The following BBS9 variants were observed in gnomAD, a reference collection of about 807,000 sequenced individuals.
The protein encoded by BBS9 is protein PTHB1.
Under a neutral mutation model 117.7 loss-of-function variants are expected in BBS9, and 89 were observed. The observed-to-expected ratio is 0.76, with a 90% CI of 0.64 to 0.90. The LOEUF (loss-of-function observed/expected upper bound fraction) is 0.90. Ranked by LOEUF, BBS9 falls within the 40% of genes least tolerant of loss-of-function variation. The probability of loss-of-function intolerance (pLI) is 0.00; values close to 1 mark genes in which losing one functional copy is unlikely to be tolerated. For missense variants in BBS9, 982 were observed against 1,042.2 expected, an observed-to-expected ratio of 0.94 and a Z score of 0.80; for synonymous variants, 379 against 370.9, an observed-to-expected ratio of 1.02 and a Z score of -0.25.
At chr7:33,437,209 AAATTGAG>A (rs1835426770) in intron 19 of BBS9, among the ~76,000 whole-genome samples, 1 of 152,188 alleles carries the variant, frequency 6.6e-6, no homozygotes, top group Non-Finnish European at 1.5e-5. Flanking sequence ...CTATTGAGGT[AAATTGAG>A]TTAAGATAAC....
intron 16 of BBS9, 117 bp from the exon 17 acceptor site, chr7:33,367,650 G>T (rs1822033393): frequency 1.3e-6 from 1 of 795,624 alleles, no homozygotes; most frequent in South Asian, 1.4e-5. Context: ...CTCACACATG[G>T]AGTTTATACA....
intron 5 of BBS9, among the ~76,000 whole-genome samples, chr7:33,235,874 A>G (rs943530185): frequency 7.2e-5 from 11 of 152,312 alleles, no homozygotes; most frequent in African/African-American, 2.4e-4. Context: ...TATGTAAACA[A>G]TCTTTTTACT....
chr7:33,130,531 T>TAA (rs1789428322), intron 1 of BBS9, among the ~76,000 whole-genome samples: 1 of 152,212 alleles, frequency 6.6e-6, no homozygotes, highest in African/African-American at 2.4e-5. Context: ...TTTTTTTGGG[T>TAA]ATCTCACTTT....
rs6964382 is a variant in BBS9 at position 33,344,589 on chromosome 7, C to T, written c.1284C>T (p.Thr428=). The T allele has an allele frequency of 7.3e-3, 11,760 of 1,613,828 alleles. 452 individuals carry two copies. The African/African-American group carries it at 0.097, about 13-fold the overall frequency. The change falls in exon 12 of 23, where the codon ACC becomes ACT. Residue 428 remains threonine, a synonymous_variant. Coordinates refer to ENST00000242067, the MANE Select transcript of BBS9 (RefSeq NM_198428.3). The part of the protein sequence containing the change: ...SPNFDSVSQA[T]DVEVGTDLVP... ...CAATTCTGTGTTTACAGCAAGCGAC[C>T]GATGTTGAGGTGGGAACTGACCTTG...
chr7:33,303,734 C>G (rs929060143), intron 9 of BBS9, among the ~76,000 whole-genome samples: 3 of 152,108 alleles, frequency 2.0e-5, no homozygotes, highest in African/African-American at 4.8e-5. Context: ...GTCTCCAGCT[C>G]CTGACCTCGA....
At chr7:33,269,268 T>A (rs1799351353) in intron 7 of BBS9, among the ~76,000 whole-genome samples, 2 of 152,234 alleles carry the variant, frequency 1.3e-5, no homozygotes, top group South Asian at 4.1e-4. Flanking sequence ...GATCCATTGT[T>A]TGTTGATCAT....
At chr7:33,599,414 G>T (rs1269604428) in intron 21 of BBS9, among the ~76,000 whole-genome samples, 1 of 152,046 alleles carries the variant, frequency 6.6e-6, no homozygotes, top group Non-Finnish European at 1.5e-5. Flanking sequence ...CCTGACTTTG[G>T]CCTGAAAATA....
At chr7:33,251,411 TG>T (rs1430596762) in intron 5 of BBS9, among the ~76,000 whole-genome samples, 1 of 152,160 alleles carries the variant, frequency 6.6e-6, no homozygotes, top group Non-Finnish European at 1.5e-5. Context: ...GTCAGGGCCT[TG>T]CCTCAAGCTT....
chr7:33,537,285 T>C (rs1851596515), intron 21 of BBS9, among the ~76,000 whole-genome samples: 1 of 152,234 alleles, frequency 6.6e-6, no homozygotes, highest in Non-Finnish European at 1.5e-5. Flanking sequence ...TGCCCTTTTT[T>C]TGCTCTAGCG....
chr7:33,206,683 T>C (rs1425981516), intron 5 of BBS9, among the ~76,000 whole-genome samples: 1 of 152,168 alleles, frequency 6.6e-6, no homozygotes, highest in Non-Finnish European at 1.5e-5. Flanking sequence ...AGTTATCAGT[T>C]TCCCAAAATT....
At chr7:33,286,165 T>G (rs1199622605) in intron 9 of BBS9, among the ~76,000 whole-genome samples, 1 of 152,136 alleles carries the variant, frequency 6.6e-6, no homozygotes, top group Admixed American at 6.6e-5. Context: ...ATGTTTCCAC[T>G]GAAAAACTTC....
chr7:33,411,626 G>A (rs966668488), intron 19 of BBS9, among the ~76,000 whole-genome samples: 56 of 151,936 alleles, frequency 3.7e-4, no homozygotes, highest in African/African-American at 1.3e-3. Flanking sequence ...TTCATCCTAG[G>A]AAATACATTT....
At chr7:33,435,730 C>G (rs1264184710) in intron 19 of BBS9, among the ~76,000 whole-genome samples, 1 of 152,168 alleles carries the variant, frequency 6.6e-6, no homozygotes, top group Non-Finnish European at 1.5e-5. Context: ...CACAAAATAG[C>G]AGTGCATATT....
rs201938124 is a variant in BBS9 at position 33,367,863 on chromosome 7, G to A, written c.1789+1G>A. On this transcript the variant is annotated splice_donor_variant, in intron 17 of 22. Coordinates refer to ENST00000242067, the MANE Select transcript of BBS9 (RefSeq NM_198428.3). LOFTEE classifies it high-confidence loss of function. ...ACTGTTCTTGCTTCCAAAACTTCTC[G>A]TAAGTAAAACCATGTTATCATTGCT... 3.1e-6 allele frequency: 5 copies of A among 1,613,010 alleles called. No individual in the cohort carries two copies. The highest frequency in any genetic ancestry group is 1.7e-4 in the Middle Eastern group (1 of 6,050).
intron 5 of BBS9, among the ~76,000 whole-genome samples, chr7:33,188,086 G>GTGTGTGTGTGTGTA (rs1374640484): frequency 7.7e-5 from 8 of 104,316 alleles, no homozygotes; most frequent in Non-Finnish European, 1.7e-4. Flanking sequence ...GTGAATGTGT[G>GTGTGTGTGTGTGTA]TGTGTGTGTG....
chr7:33,534,284 G>C, intron 21 of BBS9, 108 bp downstream of exon 21: 4 of 1,212,522 alleles, frequency 3.3e-6, no homozygotes, highest in Non-Finnish European at 4.7e-6. Flanking sequence ...AGTGATGATA[G>C]CCAAGAAAAT....
Position 33,336,617 on chromosome 7 carries a change from C to T in BBS9, c.1193C>T (p.Ser398Leu). 1 of 1,599,482 alleles carries T rather than the reference C, an allele frequency of 6.3e-7. No individual in the cohort carries two copies. The highest frequency in any genetic ancestry group is 8.6e-7 in the Non-Finnish European group (1 of 1,168,574). Residue 398 changes from serine (S) to leucine (L), a missense_variant, in exon 10 of 23, where the codon TCA becomes TTA. Physicochemically the swap from Ser to Leu is moderately radical, Grantham distance 145. Transcript: ENST00000242067. ...AAAATCATCAAAGATGTTAACAAAT[C>T]ACAAGGTATCTCATTTGCAGCTTTT... is the stretch of plus-strand genomic sequence containing the variant. ...LQKIIKDVNK[S>L]QGVWPMTERE...
chr7:33,543,833 T>C (rs1228197904), intron 21 of BBS9, among the ~76,000 whole-genome samples: 1 of 152,206 alleles, frequency 6.6e-6, no homozygotes, highest in East Asian at 1.9e-4. Context: ...GGTATACCGA[T>C]TATTCTTAGG....
chr7:33,292,856 A>C (rs1584140512), intron 9 of BBS9, among the ~76,000 whole-genome samples: 1 of 152,192 alleles, frequency 6.6e-6, no homozygotes, highest in African/African-American at 2.4e-5. Flanking sequence ...AAATACAAAA[A>C]TTAGCCAGGC....
Sources: gnomAD v4.1 joint callset for allele counts (sites outside exome capture counted in the v4.1 genomes callset) on GRCh38, gnomAD v4.1.1 for gene constraint, MANE v1.5 for transcripts, NCBI Gene and HGNC (gene_info 2026-07-23, HGNC 2026-07-21) for gene names.